Variants in NADK observed in about 807,000 individuals in gnomAD.
NADK encodes NAD kinase, also known as poly(P)/ATP NAD kinase.
A neutral mutation model predicts 49.8 loss-of-function variants in NADK; 22 were observed. The observed-to-expected ratio is 0.44, with a 90% confidence interval of 0.32 to 0.63. The LOEUF (loss-of-function observed/expected upper bound fraction) is 0.63. Among genes scored for constraint, NADK ranks in the 30% least tolerant of loss-of-function variants. The pLI is 0.06. For missense variants in NADK, 438 were observed against 609.4 expected, an observed-to-expected ratio of 0.72 and a Z score of 2.96; for synonymous variants, 268 against 253.7, an observed-to-expected ratio of 1.06 and a Z score of -0.54.
At chr1:1,759,118 A>C in intron 3 of NADK, 1 of 1,551,704 alleles carries the variant, frequency 6.4e-7, no homozygotes, top group Non-Finnish European at 8.7e-7. Flanking sequence ...CCTGGCCTAC[A>C]CCCATTCCAG....
intron 1 of NADK, among the ~76,000 whole-genome samples, chr1:1,774,338 C>T (rs1275676582): frequency 6.6e-6 from 1 of 152,098 alleles, no homozygotes; most frequent in African/African-American, 2.4e-5. Context: ...TCAAGCAATT[C>T]TCCTGCCTCA....
chr1:1,760,779 G>C (rs905330762), intron 3 of NADK, among the ~76,000 whole-genome samples: 1 of 152,056 alleles, frequency 6.6e-6, no homozygotes, highest in East Asian at 1.9e-4. Flanking sequence ...CTCTGGGGAA[G>C]AGGCAATGAG....
intron 3 of NADK, chr1:1,759,669 G>T (rs371340412): frequency 2.7e-6 from 4 of 1,498,040 alleles, no homozygotes; most frequent in South Asian, 1.3e-5. Context: ...GAGCCCAGAG[G>T]GGGCGTGCTC....
chr1:1,768,616 A>C (rs771640940), intron 1 of NADK, among the ~76,000 whole-genome samples: 86 of 152,170 alleles, frequency 5.7e-4, no homozygotes, highest in Non-Finnish European at 3.8e-4. Context: ...CTGGGCACAA[A>C]AGTAAAGCCA....
chr1:1,765,157 T>TA, intron 2 of NADK, 71 bp downstream of exon 2: 2 of 1,423,582 alleles, frequency 1.4e-6, no homozygotes, highest in Non-Finnish European at 1.9e-6. Context: ...GAATTCTTCA[T>TA]AATCGTTTTA....
chr1:1,754,443 C>T lies in NADK; in HGVS notation c.844-60G>A. 3 of 1,608,534 alleles carry T rather than the reference C, an allele frequency of 1.9e-6. No individual in the cohort carries two copies. Among genetic ancestry groups the T allele is most frequent in the Non-Finnish European group, 2.6e-6 (3 of 1,176,136 alleles). ...GGGATGCCGCACGGCTCGCAGACAC[C>T]CTCCGTCTCACCCAGCCGGGCTCTC... On this transcript the variant is annotated intron_variant, in intron 8 of 11. Transcript: ENST00000341426. This position sits in a 1 kb window ranked among gnomAD's most constrained non-coding sequence, Gnocchi z 4.3.
intron 1 of NADK, among the ~76,000 whole-genome samples, chr1:1,773,895 C>T (rs1182031432): frequency 6.6e-6 from 1 of 151,932 alleles, no homozygotes; most frequent in African/African-American, 2.4e-5. Flanking sequence ...CCACTATGTC[C>T]AGCTAATTTT....
chr1:1,757,148 A>AACCCCCCCC lies in NADK; in HGVS notation c.393+32_393+33insGGGGGGGGT. On this transcript the variant is annotated intron_variant, in intron 4 of 11. Transcript: ENST00000341426. ...TGGAGGCCCCCCCAACTCCATGTGC[A>AACCCCCCCC]CCCCAGGCCCCCTTCCCCCCTGCCC... is the stretch of plus-strand genomic sequence containing the variant. 6 of 859,198 alleles carry AACCCCCCCC rather than the reference A, an allele frequency of 7.0e-6. No individual in the cohort carries two copies. In the Admixed American group the frequency reaches 7.0e-5, roughly 10 times the overall value. The allele number at this position is 859,198 out of a possible 1,614,324, so 53.2% of individuals were successfully genotyped here. A position where few individuals can be genotyped will look rare whatever the true frequency, so the allele number is the denominator to read the frequency against.
Position 1,761,993 on chromosome 1 carries a change from A to G in NADK, c.222T>C (p.Phe74=). 1 of 1,614,062 alleles carries G rather than the reference A, an allele frequency of 6.2e-7. No homozygotes were observed. Among genetic ancestry groups the G allele is most frequent in the Non-Finnish European group, 8.5e-7 (1 of 1,179,984 alleles). ...TCTGCAGCACACAGGCCTTTGGTCC[A>G]AAAGTGGTCACCGGGCATGGCCCAT... ...SLHGPCPVTT[F]GPKACVLQNP... Residue 74 remains phenylalanine (F), a synonymous_variant, in exon 3 of 12, where the codon TTT becomes TTC. Coordinates refer to ENST00000341426, the MANE Select transcript of NADK (RefSeq NM_023018.5).
Position 1,765,346 on chromosome 1 carries a change from A to G in NADK, c.61T>C (p.Tyr21His). The change falls in exon 2 of 12, where the codon TAC becomes CAC. Residue 21 changes from tyrosine (Y) to histidine (H), a missense_variant. Transcript: ENST00000341426. ...NKELSPDAAAYCCSACHGDET... is the reference protein window; with the variant it reads ...NKELSPDAAAHCCSACHGDET... ...TCGCCGTGGCAGGCCGAGCAGCAGT[A>G]AGCAGCCGCGTCTGGACTCAATTCC... The G allele has an allele frequency of 6.2e-7, 1 of 1,613,558 alleles. No individual in the cohort carries two copies. Among genetic ancestry groups the G allele is most frequent in the Non-Finnish European group, 8.5e-7 (1 of 1,179,754 alleles).
In NADK at chr1:1,753,027, G is replaced by A. The variant is rs1349625444; in HGVS notation, c.1218C>T (p.Pro406=). ...TCACGGGGTCCCGCACACAGATGGA[G>A]GGGAGCGGGTAGCATGAGGTAGTGA... The part of the protein sequence containing the change: ...ISITTSCYPL[P]SICVRDPVSD... The change falls in exon 12 of 12, where the codon CCC becomes CCT. Residue 406 remains proline (P), a synonymous_variant. Transcript: ENST00000341426. The A allele has an allele frequency of 1.9e-6, 3 of 1,611,166 alleles. No individual in the cohort carries two copies. Among genetic ancestry groups the A allele is most frequent in the South Asian group, 1.1e-5 (1 of 90,466 alleles).
Position 1,752,896 on chromosome 1 carries a change from G to A in NADK, c.*8C>T, listed in dbSNP as rs757784927. 1.2e-5 allele frequency: 19 copies of A among 1,605,882 alleles called. No individual in the cohort carries two copies. The highest frequency in any genetic ancestry group is 1.5e-5 in the Non-Finnish European group (18 of 1,176,528). ...GCGGAAGGATTCGGGCCTGGATAGG[G>A]GCTTGACCTAGCCCTCCTCCTCCTC... On this transcript the variant is annotated 3_prime_UTR_variant, in exon 12 of 12. Coordinates refer to ENST00000341426, the MANE Select transcript of NADK (RefSeq NM_023018.5).
At chr1:1,753,714 C>T in intron 10 of NADK, 65 bp from the exon 11 acceptor site, 4 of 1,398,930 alleles carry the variant, frequency 2.9e-6, no homozygotes, top group South Asian at 2.4e-5. Context: ...AGGCACCCAC[C>T]CCTGAGTGCT....
chr1:1,775,297 G>T (rs915678346), intron 1 of NADK, among the ~76,000 whole-genome samples: 1 of 152,142 alleles, frequency 6.6e-6, no homozygotes, highest in Admixed American at 6.5e-5. Context: ...ACACGAGTTC[G>T]TTCCCATGTA....
In NADK at chr1:1,752,787, C is replaced by T. The variant is rs1164332575; in HGVS notation, c.*117G>A. On this transcript the variant is annotated 3_prime_UTR_variant, in exon 12 of 12. Transcript: ENST00000341426. ...GCAGACCCAGGCTCTAACCCAGCTA[C>T]AGAAAGGAAGTGGCCGTGCCACTGA... The T allele has an allele frequency of 4.0e-6, 5 of 1,242,000 alleles. No individual in the cohort carries two copies. Among genetic ancestry groups the T allele is most frequent in the Admixed American group, 2.2e-5 (1 of 45,024 alleles). 76.9% of individuals were successfully genotyped at this position (1,242,000 alleles called of 1,614,324 possible).
At chr1:1,767,572 A>G (rs1472447801) in intron 1 of NADK, among the ~76,000 whole-genome samples, 2 of 152,362 alleles carry the variant, frequency 1.3e-5, no homozygotes, top group East Asian at 1.9e-4. Context: ...AAAGCCAAAC[A>G]TACCTTCTCA....
At position 1,752,653 on chromosome 1, in the gene NADK, C is replaced by T; in HGVS notation, c.*251G>A. 1 of 426,190 alleles carries T rather than the reference C, an allele frequency of 2.3e-6. No individual in the cohort carries two copies. Among genetic ancestry groups the T allele is most frequent in the Non-Finnish European group, 4.1e-6 (1 of 241,342 alleles). 26.4% of individuals were successfully genotyped at this position (426,190 alleles called of 1,614,324 possible). On this transcript the variant is annotated 3_prime_UTR_variant, in exon 12 of 12. Coordinates refer to ENST00000341426, the MANE Select transcript of NADK (RefSeq NM_023018.5). ...AGCTGGAGGCCGCGCTCCAGGGACC[C>T]ACCGCGGGGTGTCAGCAGGACAGAA...
chr1:1,758,756 G>A (rs907243561), intron 3 of NADK: 2 of 641,404 alleles, frequency 3.1e-6, no homozygotes, highest in South Asian at 6.9e-5. Context: ...CAGTTCAGCA[G>A]CAAAGAGGCC....
At chr1:1,769,066 T>G (rs1045517960) in intron 1 of NADK, among the ~76,000 whole-genome samples, 1 of 152,230 alleles carries the variant, frequency 6.6e-6, no homozygotes, top group Non-Finnish European at 1.5e-5. Flanking sequence ...CCCCAGAAGA[T>G]TCTAATGTTT....
Sources: gnomAD v4.1 joint callset for allele counts (sites outside exome capture counted in the v4.1 genomes callset) on GRCh38, gnomAD v4.1.1 for gene constraint, Gnocchi (gnomAD v3.1) non-coding constraint, MANE v1.5 for transcripts, NCBI Gene and HGNC (gene_info 2026-07-23, HGNC 2026-07-21) for gene names.